CD163L1: variants seen among roughly 807,000 people sequenced by gnomAD.
The protein encoded by CD163L1 is CD163 molecule like 1.
A neutral mutation model predicts 165.4 loss-of-function variants in CD163L1; 124 were observed. That is an observed-to-expected ratio of 0.75 (90% CI 0.65 to 0.87). The LOEUF (loss-of-function observed/expected upper bound fraction) is 0.87, where lower values mean the gene tolerates loss of function less well. CD163L1 is among the 40% of genes least tolerant of loss of function. The pLI is 0.00. For missense variants in CD163L1, 1,525 were observed against 1,799.9 expected, an observed-to-expected ratio of 0.85 and a Z score of 2.76; for synonymous variants, 585 against 662.2, an observed-to-expected ratio of 0.88 and a Z score of 1.79.
chr12:7,324,259 T>C, the CD163L1 span: 1 of 1,610,738 alleles, frequency 6.2e-7, no homozygotes, highest in Non-Finnish European at 8.5e-7. Context: ...CCAAATGTCA[T>C]CCTTGGTTCC....
chr12:7,414,947 A>G (rs1025163191), intron 4 of CD163L1, among the ~76,000 whole-genome samples: 2 of 152,194 alleles, frequency 1.3e-5, no homozygotes, highest in African/African-American at 4.8e-5. Flanking sequence ...CCTTAAAAGA[A>G]GTGCTAAATA....
At chr12:7,366,572 C>T (rs1299604700) in intron 18 of CD163L1, among the ~76,000 whole-genome samples, 1 of 151,946 alleles carries the variant, frequency 6.6e-6, no homozygotes, top group African/African-American at 2.4e-5. Flanking sequence ...AATGAGATGC[C>T]ACTTATCAAA....
chr12:7,365,592 A>T (rs1946998541), intron 18 of CD163L1, among the ~76,000 whole-genome samples: 2 of 152,178 alleles, frequency 1.3e-5, no homozygotes, highest in Admixed American at 1.3e-4. Context: ...TGATTTTAAA[A>T]AATGGGTGAA....
the CD163L1 span, among the ~76,000 whole-genome samples, chr12:7,330,872 G>A: frequency 1.4e-4 from 21 of 152,258 alleles, no homozygotes; most frequent in South Asian, 1.2e-3. Flanking sequence ...CGCAGAAGAC[G>A]GATGATTTCT....
chr12:7,326,927 A>T, the CD163L1 span: 1 of 1,535,662 alleles, frequency 6.5e-7, no homozygotes. Context: ...CAAATCCTTG[A>T]TGTGTCTGAA....
chr12:7,398,613 A>T lies in CD163L1; in HGVS notation c.1409-29T>A, dbSNP rs775210907. On this transcript the variant is annotated intron_variant, in intron 6 of 19. Coordinates refer to ENST00000313599, the MANE Select transcript of CD163L1 (RefSeq NM_174941.6). The surrounding 1 kb of genome is among the most constrained non-coding windows in gnomAD (Gnocchi z 4.5). ...CAAGCAAGACAAAACCACATATTTG[A>T]GATCAAATGAGAGAGTCTTTTCAGA... 6.6e-7 allele frequency: 1 copy of T among 1,513,628 alleles called. No homozygotes were observed. Among genetic ancestry groups the T allele is most frequent in the South Asian group, 1.4e-5 (1 of 74,060 alleles). The allele number at this position is 1,513,628 out of a possible 1,614,324, so 93.8% of individuals were successfully genotyped here.
At chr12:7,359,842 TTTAA>T (rs1165131247) in intron 18 of CD163L1, among the ~76,000 whole-genome samples, 1 of 152,180 alleles carries the variant, frequency 6.6e-6, no homozygotes, top group Non-Finnish European at 1.5e-5. Context: ...AAAGACTTTG[TTTAA>T]TTGTTTCCTG....
chr12:7,365,564 GA>G (rs1565773125), intron 18 of CD163L1, among the ~76,000 whole-genome samples: 5 of 151,768 alleles, frequency 3.3e-5, no homozygotes, highest in African/African-American at 1.2e-4. Context: ...CAACTCAATA[GA>G]AAAAAACCAA....
intron 2 of CD163L1, chr12:7,439,027 A>G (rs1948777842): frequency 6.2e-7 from 1 of 1,605,710 alleles, no homozygotes; most frequent in Admixed American, 1.7e-5. Flanking sequence ...TGACATCGGT[A>G]TCCTCCTCAG....
At chr12:7,324,040 T>C in the CD163L1 span, among the ~76,000 whole-genome samples, 95 of 152,064 alleles carry the variant, frequency 6.2e-4, no homozygotes, top group Admixed American at 3.2e-3. Flanking sequence ...TAGTCAGGTG[T>C]TGTGGCACAT....
chr12:7,330,485 A>T, the CD163L1 span, among the ~76,000 whole-genome samples: 2 of 152,182 alleles, frequency 1.3e-5, no homozygotes, highest in Non-Finnish European at 2.9e-5. Context: ...AAATTCAGGG[A>T]ACCCCTGCAG....
At chr12:7,415,270 C>G (rs140385052) in intron 4 of CD163L1, among the ~76,000 whole-genome samples, 1 of 151,726 alleles carries the variant, frequency 6.6e-6, no homozygotes, top group Admixed American at 6.6e-5. Context: ...CTCTAATATG[C>G]GTCATGTAAG....
At chr12:7,328,984 G>A in the CD163L1 span, among the ~76,000 whole-genome samples, 4 of 146,856 alleles carry the variant, frequency 2.7e-5, no homozygotes, top group Middle Eastern at 4.5e-3. Context: ...ATACATATGT[G>A]TATATACACA....
At chr12:7,430,932 A>G (rs143415180) in intron 4 of CD163L1, among the ~76,000 whole-genome samples, 2 of 152,226 alleles carry the variant, frequency 1.3e-5, no homozygotes, top group African/African-American at 2.4e-5. Flanking sequence ...GAAATTTCCT[A>G]TATTACTATA....
chr12:7,386,195 C>T (rs769426694), intron 8 of CD163L1, among the ~76,000 whole-genome samples: 17 of 152,008 alleles, frequency 1.1e-4, no homozygotes, highest in African/African-American at 3.6e-4. Context: ...AGCAACGATA[C>T]ACTCACAAAC....
At chr12:7,343,549 T>C (rs922479486), downstream of CD163L1, among the ~76,000 whole-genome samples, 2 of 152,036 alleles carry the variant, frequency 1.3e-5, no homozygotes, top group African/African-American at 4.8e-5. Context: ...CAGCATATCA[T>C]ACAGAGAAAG....
intron 1 of CD163L1, among the ~76,000 whole-genome samples, chr12:7,442,520 TATC>T (rs1948844508): frequency 6.6e-6 from 1 of 152,196 alleles, no homozygotes; most frequent in African/African-American, 2.4e-5. Context: ...TTATTACAAT[TATC>T]ATCAGTCACA....
At chr12:7,330,980 G>T in the CD163L1 span, among the ~76,000 whole-genome samples, 1 of 152,216 alleles carries the variant, frequency 6.6e-6, no homozygotes, top group Admixed American at 6.5e-5. Flanking sequence ...GCTGAAGCAG[G>T]GCGAGGCATC....
intron 6 of CD163L1, among the ~76,000 whole-genome samples, chr12:7,403,093 T>G (rs1004789538): frequency 2.6e-5 from 4 of 152,180 alleles, no homozygotes; most frequent in Admixed American, 2.0e-4. Context: ...TATCAACATA[T>G]GCATATAAAT....
Sources: allele counts gnomAD v4.1 joint callset (sites outside exome capture counted in the v4.1 genomes callset), GRCh38; gene constraint gnomAD v4.1.1; non-coding constraint Gnocchi (gnomAD v3.1); transcripts MANE v1.5; gene names NCBI Gene and HGNC (gene_info 2026-07-23, HGNC 2026-07-21).